The following SLC7A6 variants were observed in gnomAD, a reference collection of about 807,000 sequenced individuals.
The protein encoded by SLC7A6 is solute carrier family 7 member 6, also known as Y+L amino acid transporter 2.
SLC7A6 carries 29 observed loss-of-function variants against 46.6 expected under a neutral mutation model. That is an observed-to-expected ratio of 0.62 (90% CI 0.46 to 0.85). The LOEUF is 0.85. Among genes scored for constraint, SLC7A6 ranks in the 40% least tolerant of loss-of-function variants. The pLI is 0.00. For synonymous variants in SLC7A6, 276 were observed against 257.3 expected, an observed-to-expected ratio of 1.07 and a Z score of -0.70; for missense variants, 527 against 647.6, an observed-to-expected ratio of 0.81 and a Z score of 2.02.
At position 68,273,257 on chromosome 16, in the gene SLC7A6, G is replaced by A. The variant is rs188095604; in HGVS notation, c.-36-1434G>A. ...CTCTGAGCTCCATGAGGCCAGATTC[G>A]GGCACATCACATACACATTTGTTGA... On this transcript the variant is annotated intron_variant, in intron 2 of 10. Transcript: ENST00000219343. Among the ~76,000 whole-genome samples, 7 of 152,180 alleles carry A rather than the reference G, an allele frequency of 4.6e-5. No individual in the cohort carries two copies. In the East Asian group the frequency reaches 5.8e-4, roughly 13 times the overall value.
chr16:68,296,600 C>G, intron 9 of SLC7A6, 27 bp from the exon 10 acceptor site: 2 of 1,613,834 alleles, frequency 1.2e-6, no homozygotes, highest in Admixed American at 3.3e-5. Flanking sequence ...TCCCACGTTA[C>G]TTAATCTCTC....
chr16:68,290,284 CCT>C (rs2043021174), intron 4 of SLC7A6, 110 bp from the exon 5 acceptor site: 2 of 1,112,150 alleles, frequency 1.8e-6, no homozygotes, highest in Non-Finnish European at 2.5e-6. Flanking sequence ...ATCTTCCCTT[CCT>C]CTTTCCTATT....
intron 3 of SLC7A6, among the ~76,000 whole-genome samples, chr16:68,278,465 T>G (rs1199049970): frequency 6.6e-6 from 1 of 151,792 alleles, no homozygotes; most frequent in Admixed American, 6.6e-5. Flanking sequence ...TTTTTTTTTT[T>G]GCAGTGTTTG....
At chr16:68,271,865 T>C (rs1018138623) in intron 2 of SLC7A6, among the ~76,000 whole-genome samples, 3 of 151,884 alleles carry the variant, frequency 2.0e-5, no homozygotes, top group Admixed American at 2.0e-4. Context: ...GCAGTGGCGC[T>C]ATCTTGGCTC....
At chr16:68,266,027 G>A (rs1157447445) in intron 1 of SLC7A6, among the ~76,000 whole-genome samples, 15 of 152,098 alleles carry the variant, frequency 9.9e-5, no homozygotes, top group African/African-American at 1.4e-4. Flanking sequence ...TTGGGAGGCC[G>A]AGGCAGGCGG....
chr16:68,276,347 C>A (rs1411062799), intron 3 of SLC7A6, among the ~76,000 whole-genome samples: 2 of 152,222 alleles, frequency 1.3e-5, no homozygotes, highest in Non-Finnish European at 2.9e-5. Context: ...ACCCAGAATT[C>A]TATGTTCCTT....
Position 68,270,822 on chromosome 16 carries a change from GTGGAAGC to G in SLC7A6, c.-36-3862_-36-3856del, listed in dbSNP as rs1350186999. 5.9e-5 allele frequency among the ~76,000 whole-genome samples: 9 copies of G among 151,582 alleles called. No homozygotes were observed. The East Asian group carries it at 1.7e-3, about 29-fold the overall frequency. On this transcript the variant is annotated intron_variant, in intron 2 of 10. Transcript: ENST00000219343. ...AGTGGGAATGTGCTATCCATCCTGA[GTGGAAGC>G]TGGAAGTTGAGGACTTTCCATTTTA...
chr16:68,277,731 G>T (rs2042739724), intron 3 of SLC7A6, among the ~76,000 whole-genome samples: 1 of 151,752 alleles, frequency 6.6e-6, no homozygotes, highest in Non-Finnish European at 1.5e-5. Context: ...GGGTTCAAGC[G>T]ATTCTCCTGA....
At chr16:68,291,801 T>TGTGTGTGTGTGTGTGTGTG (rs1555532343) in intron 7 of SLC7A6, 140 bp downstream of exon 7, 21 of 310,508 alleles carry the variant, frequency 6.8e-5, no homozygotes, top group Admixed American at 1.0e-4. Flanking sequence ...GTGTGTGTGT[T>TGTGTGTGTGTGTGTGTGTG]TGGTATGTGG....
intron 3 of SLC7A6, among the ~76,000 whole-genome samples, chr16:68,281,696 T>C (rs1216552158): frequency 6.6e-6 from 1 of 152,228 alleles, no homozygotes; most frequent in Non-Finnish European, 1.5e-5. Context: ...GGATTCACAG[T>C]AACCCAGGTG....
In SLC7A6 at chr16:68,290,440, G is replaced by T; in HGVS notation, c.694G>T (p.Asp232Tyr). 6.2e-7 allele frequency: 1 copy of T among 1,614,068 alleles called. No homozygotes were observed. Among genetic ancestry groups the T allele is most frequent in the South Asian group, 1.1e-5 (1 of 91,082 alleles). ...FQDAFEGSSW[D>Y]MGNLSLALYS... ...GGACGCCTTTGAGGGTTCCTCCTGG[G>T]ACATGGGAAACCTCTCTCTTGCCCT... Residue 232 changes from aspartate (D) to tyrosine (Y), a missense_variant, in exon 5 of 11, where the codon GAC becomes TAC. Transcript: ENST00000219343.
intron 3 of SLC7A6, among the ~76,000 whole-genome samples, chr16:68,277,067 C>G (rs568818951): frequency 6.6e-6 from 1 of 151,706 alleles, no homozygotes; most frequent in Non-Finnish European, 1.5e-5. Flanking sequence ...CTTAAGTCAT[C>G]CAAAATCTAC....
chr16:68,291,762 G>GGTGGGTGTGTGTGTGTGTGTGTGTGT, intron 7 of SLC7A6, 101 bp downstream of exon 7: 2 of 545,992 alleles, frequency 3.7e-6, no homozygotes, highest in Non-Finnish European at 6.4e-6. Context: ...GGGCATATAG[G>GGTGGGTGTGTGTGTGTGTGTGTGTGT]GTGTGTGTGT....
chr16:68,293,533 T>C (rs1019845608), intron 7 of SLC7A6, among the ~76,000 whole-genome samples: 2 of 152,168 alleles, frequency 1.3e-5, no homozygotes, highest in African/African-American at 4.8e-5. Flanking sequence ...TCTAGTTTGC[T>C]CTCCAGTCTG....
rs1487757078 is a variant in SLC7A6 at position 68,272,682 on chromosome 16, C to T, written c.-36-2009C>T. ...GACAAACCTGATAAAGCCATATCAG[C>T]GACACCAGTGCCAGGTTTTATGAAT... On this transcript the variant is annotated intron_variant, in intron 2 of 10. Coordinates refer to ENST00000219343, the MANE Select transcript of SLC7A6 (RefSeq NM_003983.6). Among the ~76,000 whole-genome samples the T allele has an allele frequency of 4.6e-5, 7 of 152,130 alleles. No homozygotes were observed. The South Asian group carries it at 6.2e-4, about 13-fold the overall frequency.
At chr16:68,289,843 T>C (rs904083426) in intron 4 of SLC7A6, among the ~76,000 whole-genome samples, 1 of 152,166 alleles carries the variant, frequency 6.6e-6, no homozygotes, top group Non-Finnish European at 1.5e-5. Context: ...CTACCGCAAG[T>C]AGAGCAGCAT....
intron 3 of SLC7A6, among the ~76,000 whole-genome samples, chr16:68,281,191 C>G (rs2042823161): frequency 6.6e-6 from 1 of 152,198 alleles, no homozygotes; most frequent in African/African-American, 2.4e-5. Flanking sequence ...GGCTGTACCC[C>G]ATCCCCTTCC....
chr16:68,277,233 CCCA>C (rs1197041372), intron 3 of SLC7A6, among the ~76,000 whole-genome samples: 1 of 150,174 alleles, frequency 6.7e-6, no homozygotes, highest in Admixed American at 6.6e-5. Flanking sequence ...ATTACAGGCG[CCCA>C]CCACCACGCC....
chr16:68,293,127 T>G (rs748961299), intron 7 of SLC7A6, among the ~76,000 whole-genome samples: 1 of 152,030 alleles, frequency 6.6e-6, no homozygotes, highest in Non-Finnish European at 1.5e-5. Context: ...TAAAAGAACA[T>G]AGTGTCCAGC....
Sources: gnomAD v4.1 joint callset for allele counts (sites outside exome capture counted in the v4.1 genomes callset) on GRCh38, gnomAD v4.1.1 for gene constraint, MANE v1.5 for transcripts, NCBI Gene and HGNC (gene_info 2026-07-23, HGNC 2026-07-21) for gene names.